FCHSD1: variants seen among roughly 807,000 people sequenced by gnomAD.
FCHSD1 encodes FCH and double SH3 domains 1, also known as F-BAR and double SH3 domains protein 1.
A neutral mutation model predicts 101.3 loss-of-function variants in FCHSD1; 109 were observed. The observed-to-expected ratio is 1.08, with a 90% CI of 0.92 to 1.26. FCHSD1 has a LOEUF of 1.26. Ranked by LOEUF, FCHSD1 falls within the 50% of genes most tolerant of loss-of-function variation. The pLI is 0.00. For missense variants in FCHSD1, 820 were observed against 895.8 expected, an observed-to-expected ratio of 0.92 and a Z score of 1.08; for synonymous variants, 291 against 356.8, an observed-to-expected ratio of 0.82 and a Z score of 2.08.
In FCHSD1 at chr5:141,649,590, C is replaced by T; in HGVS notation, c.234-54G>A. 1 of 1,563,738 alleles carries T rather than the reference C, an allele frequency of 6.4e-7. No homozygotes were observed. The highest frequency in any genetic ancestry group is 8.6e-7 in the Non-Finnish European group (1 of 1,157,832). On this transcript the variant is annotated intron_variant, in intron 4 of 19. Coordinates refer to ENST00000435817, the MANE Select transcript of FCHSD1 (RefSeq NM_033449.3). The surrounding 1 kb of genome is among the most constrained non-coding windows in gnomAD (Gnocchi z 4.1). ...GAGAGCACTCCACAGCTTCATGAGA[C>T]CACCCCCACCCCCTGCCCCCTGACC...
intron 1 of FCHSD1, 97 bp from the exon 2 acceptor site, chr5:141,651,214 G>A (rs1470597381): frequency 6.7e-7 from 1 of 1,500,582 alleles, no homozygotes; most frequent in Non-Finnish European, 9.1e-7. Context: ...GGGGTGCTGA[G>A]CTCTTTCCTC....
At position 141,651,017 on chromosome 5, in the gene FCHSD1, T is replaced by C. The variant is rs377107040; in HGVS notation, c.119+3A>G. 1.3e-6 allele frequency: 2 copies of C among 1,580,986 alleles called. No homozygotes were observed. The highest frequency in any genetic ancestry group is 1.3e-5 in the African/African-American group (1 of 74,198). On this transcript the variant is annotated splice_donor_region_variant and intron_variant, in intron 2 of 19. Coordinates refer to ENST00000435817, the MANE Select transcript of FCHSD1 (RefSeq NM_033449.3). ...TGTAAATGAAGGGGGTTGGGGGAGC[T>C]ACCTGATGTCCTCCAGCAGATCCGC...
rs977304639 is a variant in FCHSD1 at position 141,649,621 on chromosome 5, C to T, written c.234-85G>A. On this transcript the variant is annotated intron_variant, in intron 4 of 19. Transcript: ENST00000435817. This position sits in a 1 kb window ranked among gnomAD's most constrained non-coding sequence, Gnocchi z 4.1. ...CCACCCCCTGCCCCCTGACCAACAC[C>T]ATGGGAGACAGAGTGCTTTCCCATC... 1 of 1,497,192 alleles carries T rather than the reference C, an allele frequency of 6.7e-7. No individual in the cohort carries two copies. Among genetic ancestry groups the T allele is most frequent in the Non-Finnish European group, 8.9e-7 (1 of 1,122,120 alleles). 92.7% of individuals were successfully genotyped at this position (1,497,192 alleles called of 1,614,324 possible).
At chr5:141,642,640 G>GAAGTTAGCTA in intron 18 of FCHSD1, 1 of 541,838 alleles carries the variant, frequency 1.8e-6, no homozygotes. Flanking sequence ...CACCGTGAGA[G>GAAGTTAGCTA]AAGTTAGCTA....
chr5:141,649,491 G>T lies in FCHSD1; in HGVS notation c.279C>A (p.Thr93=), dbSNP rs764017527. The part of the protein sequence containing the change: ...FGAWRCLLDA[T]VAGGQTRLQA... ...GGAGTCGGGTTTGGCCCCCAGCCAC[G>T]GTGGCATCCAGCAGGCAGCGCCAGG... Residue 93 remains threonine (T), a synonymous_variant, in exon 5 of 20, where the codon ACC becomes ACA. Transcript: ENST00000435817. The surrounding 1 kb of genome is among the most constrained non-coding windows in gnomAD (Gnocchi z 4.1). The T allele has an allele frequency of 1.2e-6, 2 of 1,613,672 alleles. No homozygotes were observed. The highest frequency in any genetic ancestry group is 1.1e-5 in the South Asian group (1 of 91,076).
intron 2 of FCHSD1, 51 bp downstream of exon 2, chr5:141,650,969 T>C (rs1372271770): frequency 2.1e-5 from 32 of 1,499,544 alleles, no homozygotes; most frequent in Non-Finnish European, 2.9e-5. Flanking sequence ...TGGGGAGAAG[T>C]GGCGCACAAC....
intron 15 of FCHSD1, 61 bp from the exon 16 acceptor site, chr5:141,644,751 C>G (rs543665295): frequency 1.2e-5 from 20 of 1,608,248 alleles, no homozygotes; most frequent in African/African-American, 9.3e-5. Flanking sequence ...GACCCTGGCT[C>G]TCTTCTACTC....
chr5:141,642,365 A>G, intron 18 of FCHSD1: 3 of 684,886 alleles, frequency 4.4e-6, no homozygotes, highest in Non-Finnish European at 7.9e-6. Context: ...CAAAGGTAGG[A>G]GTAGAGGCAG....
chr5:141,649,526 CT>C lies in FCHSD1; in HGVS notation c.243del (p.Val82CysfsTer29), dbSNP rs1449769919. ...AGCAGGCAGCGCCAGGCACCGAACA[CT>C]GTCCTGCCCCTCCCCAGAGAAGGTC... The part of the protein sequence containing the change: ...RSGEMDSRGR[T>X]VFGAWRCLLD... On this transcript the variant is annotated frameshift_variant, in exon 5 of 20. Coordinates refer to ENST00000435817, the MANE Select transcript of FCHSD1 (RefSeq NM_033449.3). LOFTEE classifies it high-confidence loss of function. This position sits in a 1 kb window ranked among gnomAD's most constrained non-coding sequence, Gnocchi z 4.1. 1.2e-6 allele frequency: 2 copies of C among 1,612,328 alleles called. No homozygotes were observed. The highest frequency in any genetic ancestry group is 2.2e-5 in the South Asian group (2 of 91,006).
At position 141,649,420 on chromosome 5, in the gene FCHSD1, C is replaced by A; in HGVS notation, c.350G>T (p.Ser117Ile). Residue 117 changes from serine (S) to isoleucine (I), a missense_variant, in exon 5 of 20, where the codon AGC becomes ATC. Transcript: ENST00000435817. This position sits in a 1 kb window ranked among gnomAD's most constrained non-coding sequence, Gnocchi z 4.1. ...CTTCCTAAGCACCTGCTCCTTGGCG[C>A]TCCGCCCTGTACCCCCTGCTAGGTC... is the stretch of plus-strand genomic sequence containing the variant. ...YRDLAGGTGRSAKEQVLRKGT... is the reference protein window; with the variant it reads ...YRDLAGGTGRIAKEQVLRKGT... 6.2e-7 allele frequency: 1 copy of A among 1,614,014 alleles called. No homozygotes were observed. The highest frequency in any genetic ancestry group is 8.5e-7 in the Non-Finnish European group (1 of 1,179,882).
In FCHSD1 at chr5:141,649,130, C is replaced by T; in HGVS notation, c.512+42G>A. The T allele has an allele frequency of 6.2e-7, 1 of 1,613,854 alleles. No individual in the cohort carries two copies. The highest frequency in any genetic ancestry group is 8.5e-7 in the Non-Finnish European group (1 of 1,179,784). On this transcript the variant is annotated intron_variant, in intron 6 of 19. Coordinates refer to ENST00000435817, the MANE Select transcript of FCHSD1 (RefSeq NM_033449.3). This position sits in a 1 kb window ranked among gnomAD's most constrained non-coding sequence, Gnocchi z 4.1. ...TCCACCCCTAGACAGCCCCACCTCC[C>T]TGTTCCCCAACCTTGGGCTTCCTCA... is the stretch of plus-strand genomic sequence containing the variant.
Position 141,645,032 on chromosome 5 carries a change from T to C in FCHSD1, c.1428A>G (p.Val476=), listed in dbSNP as rs1326271945. 2.5e-6 allele frequency: 4 copies of C among 1,610,496 alleles called. No individual in the cohort carries two copies. The Admixed American group carries it at 6.7e-5, about 27-fold the overall frequency. The change falls in exon 14 of 20, where the codon GTA becomes GTG. Residue 476 remains valine, a synonymous_variant. Transcript: ENST00000435817. The part of the protein sequence containing the change: ...TRALPCPAHV[V]FRYQAGREDE... The stretch of plus-strand genomic sequence containing the variant: ...CCCCCATTCATACCTGATAGCGAAA[T>C]ACCACGTGTGCAGGGCAGGGGAGGG...
At chr5:141,644,084 G>A in intron 17 of FCHSD1, 134 bp downstream of exon 17, 2 of 851,134 alleles carry the variant, frequency 2.3e-6, no homozygotes, top group Non-Finnish European at 3.6e-6. Context: ...CCCCATAGGA[G>A]ATGGGAGGCC....
At position 141,649,381 on chromosome 5, in the gene FCHSD1, C is replaced by T; in HGVS notation, c.375+14G>A. ...CAAGCCAGCTCTTCCTTCACCCCAA[C>T]CTCTGAGCCATACCTTCCTAAGCAC... On this transcript the variant is annotated intron_variant, in intron 5 of 19. Coordinates refer to ENST00000435817, the MANE Select transcript of FCHSD1 (RefSeq NM_033449.3). This position sits in a 1 kb window ranked among gnomAD's most constrained non-coding sequence, Gnocchi z 4.1. 16 of 1,613,964 alleles carry T rather than the reference C, an allele frequency of 9.9e-6. No individual in the cohort carries two copies. Among genetic ancestry groups the T allele is most frequent in the Non-Finnish European group, 1.4e-5 (16 of 1,179,846 alleles).
rs760165312 is a variant in FCHSD1, at chr5:141,649,313, T to A, written c.376-5A>T. On this transcript the variant is annotated splice_region_variant and splice_polypyrimidine_tract_variant and intron_variant, in intron 5 of 19. Transcript: ENST00000435817. This position sits in a 1 kb window ranked among gnomAD's most constrained non-coding sequence, Gnocchi z 4.1. The stretch of plus-strand genomic sequence containing the variant: ...CCTCTGGAGGTTCTCTGTTCCCTAT[T>A]GGGATGCATACACAAAGTCCTTACC... 3 of 1,613,882 alleles carry A rather than the reference T, an allele frequency of 1.9e-6. No homozygotes were observed. Among genetic ancestry groups the A allele is most frequent in the Admixed American group, 1.7e-5 (1 of 60,000 alleles).
chr5:141,640,658 C>T lies in FCHSD1; in HGVS notation c.*840G>A, dbSNP rs1281921508. On this transcript the variant is annotated 3_prime_UTR_variant, in exon 20 of 20. Transcript: ENST00000435817. ...AACAGGAAGCAACAGTGTTATTCTT[C>T]CTCTTCTCCAAGTCTCCTTCATTGT... The T allele has an allele frequency of 2.0e-6, 3 of 1,536,548 alleles. No individual in the cohort carries two copies. The highest frequency in any genetic ancestry group is 2.6e-6 in the Non-Finnish European group (3 of 1,146,476).
chr5:141,651,143 A>ACC, intron 1 of FCHSD1, 26 bp from the exon 2 acceptor site: 1 of 1,551,628 alleles, frequency 6.4e-7, no homozygotes. Context: ...GAGGATGAAG[A>ACC]CCCCAGCGCA....
chr5:141,645,757 G>A lies in FCHSD1; in HGVS notation c.1311+14C>T, dbSNP rs368318178. On this transcript the variant is annotated intron_variant, in intron 13 of 19. Coordinates refer to ENST00000435817, the MANE Select transcript of FCHSD1 (RefSeq NM_033449.3). Reference sequence around the variant, plus strand: ...TTCTAAGTAAGGATGGGTAGTGTTGGGGGAGGAGCTCACGGTTGGAGAGAG... The same window carrying A: ...TTCTAAGTAAGGATGGGTAGTGTTGAGGGAGGAGCTCACGGTTGGAGAGAG... The A allele has an allele frequency of 8.1e-6, 13 of 1,608,486 alleles. 1 individual carries two copies. Among genetic ancestry groups the A allele is most frequent in the South Asian group, 5.5e-5 (5 of 90,396 alleles).
At position 141,645,110 on chromosome 5, in the gene FCHSD1, C is replaced by G; in HGVS notation, c.1350G>C (p.Glu450Asp). 2.5e-6 allele frequency: 4 copies of G among 1,570,032 alleles called. No individual in the cohort carries two copies. Among genetic ancestry groups the G allele is most frequent in the Non-Finnish European group, 3.5e-6 (4 of 1,157,208 alleles). The change falls in exon 14 of 20, where the codon GAG becomes GAC. Residue 450 changes from glutamate to aspartate, a missense_variant. Transcript: ENST00000435817. The part of the protein sequence containing the change: ...DAELSDFEEC[E>D]ETGELFEEPA... The stretch of plus-strand genomic sequence containing the variant: ...GCTCCTCAAAGAGCTCTCCCGTCTC[C>G]TCACATTCCTCAAAGTCAGAAAGCT...
Sources: allele counts gnomAD v4.1 joint callset, GRCh38; gene constraint gnomAD v4.1.1; non-coding constraint Gnocchi (gnomAD v3.1); transcripts MANE v1.5; gene names NCBI Gene and HGNC (gene_info 2026-07-23, HGNC 2026-07-21).